The following ZBTB8A variants were observed in gnomAD, a reference collection of about 807,000 sequenced individuals.
ZBTB8A encodes the protein zinc finger and BTB domain containing 8A, also known as zinc finger and BTB domain-containing protein 8A.
Under a neutral mutation model 37.8 loss-of-function variants are expected in ZBTB8A, and 19 were observed. The ratio of observed to expected loss-of-function variants is 0.50; its 90% CI spans 0.35 to 0.74. The LOEUF (loss-of-function observed/expected upper bound fraction) is 0.74, where lower values mean the gene tolerates loss of function less well. Among genes scored for constraint, ZBTB8A ranks in the 30% least tolerant of loss-of-function variants. ZBTB8A has a pLI of 0.01. For synonymous variants in ZBTB8A, 181 were observed against 185.2 expected (o/e 0.98, Z 0.19); for missense variants, 394 against 537.8 (o/e 0.73, Z 2.65).
chr1:32,599,692 G>A (rs1349637750), intron 4 of ZBTB8A, among the ~76,000 whole-genome samples: 2 of 151,866 alleles, frequency 1.3e-5, no homozygotes, highest in Non-Finnish European at 2.9e-5. Flanking sequence ...ACTCCAGCCT[G>A]GGCAACAGAG....
chr1:32,560,173 G>T (rs1213716960), intron 2 of ZBTB8A, among the ~76,000 whole-genome samples: 1 of 152,070 alleles, frequency 6.6e-6, no homozygotes, highest in Non-Finnish European at 1.5e-5. Context: ...TATCAAGGGG[G>T]GATGGTGCTA....
At position 32,587,785 on chromosome 1, in the gene ZBTB8A, A is replaced by T. The variant is rs370154134; in HGVS notation, c.-1-5146A>T. 4.5e-4 allele frequency among the ~76,000 whole-genome samples: 68 copies of T among 152,138 alleles called. 2 individuals carry two copies. The highest frequency in any genetic ancestry group is 1.4e-3 in the African/African-American group (58 of 41,436). ...GCTGGCTGGCTGGCAGCCTCTAGGTAGCTTCAGGTTTGGGGCTGGTCACCA... is the reference window on the plus strand; with the variant it reads ...GCTGGCTGGCTGGCAGCCTCTAGGTTGCTTCAGGTTTGGGGCTGGTCACCA... On this transcript the variant is annotated intron_variant, in intron 2 of 4. Coordinates refer to ENST00000373510, the MANE Select transcript of ZBTB8A (RefSeq NM_001040441.3).
At chr1:32,589,602 T>C (rs1219140233) in intron 2 of ZBTB8A, among the ~76,000 whole-genome samples, 1 of 151,082 alleles carries the variant, frequency 6.6e-6, no homozygotes, top group Admixed American at 6.6e-5. Context: ...CAGGCTGGAG[T>C]GCAGTGGCGC....
At chr1:32,546,228 G>C (rs7523628) in intron 1 of ZBTB8A, among the ~76,000 whole-genome samples, 17,357 of 152,108 alleles carry the variant, frequency 0.11, 1,094 homozygotes, top group African/African-American at 0.18. Flanking sequence ...CAGATCACTT[G>C]AGGCCAGGAG....
intron 2 of ZBTB8A, among the ~76,000 whole-genome samples, chr1:32,579,206 T>C (rs1172940366): frequency 6.6e-6 from 1 of 152,060 alleles, no homozygotes; most frequent in Non-Finnish European, 1.5e-5. Context: ...ACCAGCACTT[T>C]GGGAGGCTGA....
chr1:32,543,903 C>T (rs772235150), intron 1 of ZBTB8A, among the ~76,000 whole-genome samples: 1 of 152,136 alleles, frequency 6.6e-6, no homozygotes, highest in Non-Finnish European at 1.5e-5. Context: ...GTCTCGGTCT[C>T]CTGACCTCAT....
rs992381388 is a variant in ZBTB8A, at chr1:32,593,339, A to G, written c.408A>G (p.Ser136=). 1 of 1,614,200 alleles carries G rather than the reference A, an allele frequency of 6.2e-7. No homozygotes were observed. The highest frequency in any genetic ancestry group is 8.5e-7 in the Non-Finnish European group (1 of 1,180,042). Residue 136 remains serine, a synonymous_variant, in exon 3 of 5, where the codon TCA becomes TCG. Transcript: ENST00000373510. ...AAAAAGATCGCTATTTCAGTCTCTC[A>G]GATAAAGATGCCAATTCTAATGGTG... ...EKEKDRYFSL[S]DKDANSNGVE...
At chr1:32,571,843 C>T (rs1168043209) in intron 2 of ZBTB8A, among the ~76,000 whole-genome samples, 5 of 152,056 alleles carry the variant, frequency 3.3e-5, no homozygotes, top group Non-Finnish European at 5.9e-5. Context: ...TCCCAAAGTG[C>T]TGGAATTACA....
At chr1:32,539,990 G>T in intron 1 of ZBTB8A, among the ~76,000 whole-genome samples, 1 of 151,630 alleles carries the variant, frequency 6.6e-6, no homozygotes, top group Non-Finnish European at 1.5e-5. Context: ...GGCAGGGCCG[G>T]GGCCGGAGTC....
At position 32,600,488 on chromosome 1, in the gene ZBTB8A, A is replaced by G. The variant is rs138403158; in HGVS notation, c.*69A>G. On this transcript the variant is annotated 3_prime_UTR_variant, in exon 5 of 5. Coordinates refer to ENST00000373510, the MANE Select transcript of ZBTB8A (RefSeq NM_001040441.3). ...TGACTTCCTGTATCTCTCTCTTTCT[A>G]TGGTCGGAGTCTAGTTAACAAATTT... The G allele has an allele frequency of 7.5e-4, 906 of 1,203,740 alleles. 7 individuals carry two copies. The African/African-American group carries it at 0.011, about 14-fold the overall frequency. 74.6% of individuals were successfully genotyped at this position (1,203,740 alleles called of 1,614,324 possible). A position where few individuals can be genotyped will look rare whatever the true frequency, so the allele number is the denominator to read the frequency against.
Position 32,600,101 on chromosome 1 carries a change from T to G in ZBTB8A, c.1008T>G (p.Cys336Trp), listed in dbSNP as rs369096486. 1 of 1,612,504 alleles carries G rather than the reference T, an allele frequency of 6.2e-7. No homozygotes were observed. Among genetic ancestry groups the G allele is most frequent in the Non-Finnish European group, 8.5e-7 (1 of 1,178,712 alleles). Residue 336 changes from cysteine (C) to tryptophan (W), a missense_variant, in exon 5 of 5, where the codon TGT becomes TGG. Coordinates refer to ENST00000373510, the MANE Select transcript of ZBTB8A (RefSeq NM_001040441.3). ...TCTCTACACAGATTCACCAGGCATG[T>G]AAACTCATCTGCAGAAAATGTAAAC... is the stretch of plus-strand genomic sequence containing the variant. The part of the protein sequence containing the change: ...SSHFRTIHQA[C>W]KLICRKCKRH...
At chr1:32,574,647 T>C (rs1644346952) in intron 2 of ZBTB8A, among the ~76,000 whole-genome samples, 1 of 152,136 alleles carries the variant, frequency 6.6e-6, no homozygotes, top group Non-Finnish European at 1.5e-5. Context: ...GTTTTATGGC[T>C]CAGGGTATGG....
chr1:32,549,073 C>T (rs771229076), intron 1 of ZBTB8A, among the ~76,000 whole-genome samples: 1 of 152,032 alleles, frequency 6.6e-6, no homozygotes, highest in Non-Finnish European at 1.5e-5. Context: ...CACCTGTAGT[C>T]CTAGCTACTC....
At chr1:32,563,167 A>G (rs188891674) in intron 2 of ZBTB8A, among the ~76,000 whole-genome samples, 258 of 152,274 alleles carry the variant, frequency 1.7e-3, no homozygotes, top group African/African-American at 6.1e-3. Context: ...CATTTCCCCC[A>G]GAGGCAAATC....
At chr1:32,565,939 C>T (rs148126016) in intron 2 of ZBTB8A, among the ~76,000 whole-genome samples, 84 of 152,108 alleles carry the variant, frequency 5.5e-4, no homozygotes, top group Non-Finnish European at 1.0e-4. Context: ...CCGTGGCTCA[C>T]GCCTGTAATC....
At chr1:32,543,286 T>C (rs1344775580) in intron 1 of ZBTB8A, among the ~76,000 whole-genome samples, 1 of 152,074 alleles carries the variant, frequency 6.6e-6, no homozygotes, top group Non-Finnish European at 1.5e-5. Flanking sequence ...GGTTTCACCA[T>C]GTTGGTCAGG....
chr1:32,549,300 C>T (rs1644131960), intron 1 of ZBTB8A, among the ~76,000 whole-genome samples: 1 of 152,082 alleles, frequency 6.6e-6, no homozygotes, highest in African/African-American at 2.4e-5. Context: ...TCGAGACCAG[C>T]CTGGTCAACA....
At chr1:32,568,662 A>G (rs1057208623) in intron 2 of ZBTB8A, among the ~76,000 whole-genome samples, 1 of 152,202 alleles carries the variant, frequency 6.6e-6, no homozygotes, top group African/African-American at 2.4e-5. Flanking sequence ...CTGGGATTAC[A>G]GGCGTGAGCC....
chr1:32,541,852 C>A, intron 1 of ZBTB8A, among the ~76,000 whole-genome samples: 1 of 152,162 alleles, frequency 6.6e-6, no homozygotes, highest in East Asian at 1.9e-4. Flanking sequence ...CCGTTGCAAT[C>A]GGGATGAAGT....
Sources: gnomAD v4.1 joint callset for allele counts (sites outside exome capture counted in the v4.1 genomes callset) on GRCh38, gnomAD v4.1.1 for gene constraint, MANE v1.5 for transcripts, NCBI Gene and HGNC (gene_info 2026-07-23, HGNC 2026-07-21) for gene names.